The following RORA variants were observed in gnomAD, a reference collection of about 807,000 sequenced individuals.
RORA encodes nuclear receptor ROR-alpha.
A neutral mutation model predicts 69.5 loss-of-function variants in RORA; 7 were observed. The observed-to-expected ratio is 0.10, with a 90% CI of 0.06 to 0.19. The LOEUF is 0.19. Ranked by LOEUF, RORA falls within the 10% of genes least tolerant of loss-of-function variation. RORA has a pLI of 1.00. For synonymous variants in RORA, 261 were observed against 240.8 expected (o/e 1.08, Z -0.78); for missense variants, 457 against 663.0 (o/e 0.69, Z 3.41).
chr15:60,649,750 T>C (rs1436301249), intron 2 of RORA, among the ~76,000 whole-genome samples: 2 of 152,182 alleles, frequency 1.3e-5, no homozygotes, highest in Admixed American at 6.5e-5. Flanking sequence ...TGTGTAAACA[T>C]TGAGGTCCCA....
intron 1 of RORA, among the ~76,000 whole-genome samples, chr15:60,928,636 G>C (rs1410659645): frequency 6.6e-6 from 1 of 152,182 alleles, no homozygotes; most frequent in African/African-American, 2.4e-5. Flanking sequence ...CTCTGAGTTT[G>C]TCCAATTCGA....
chr15:60,638,814 A>AT (rs2069886715), intron 2 of RORA, among the ~76,000 whole-genome samples: 1 of 152,008 alleles, frequency 6.6e-6, no homozygotes, highest in South Asian at 2.1e-4. Flanking sequence ...AGTGGAAATA[A>AT]TTTTTTTTCC....
At chr15:60,516,047 T>A (rs1235411970) in intron 3 of RORA, among the ~76,000 whole-genome samples, 32 of 4,730 alleles carry the variant, frequency 6.8e-3, no homozygotes, top group East Asian at 0.059. Flanking sequence ...ATTTATATAT[T>A]TATATATATT....
chr15:60,764,248 TG>T (rs1843688037), intron 1 of RORA, among the ~76,000 whole-genome samples: 1 of 151,590 alleles, frequency 6.6e-6, no homozygotes, highest in South Asian at 2.1e-4. Flanking sequence ...AATGAGAGAC[TG>T]GCCAAGCAGA....
chr15:60,899,482 T>C (rs974936555), intron 1 of RORA, among the ~76,000 whole-genome samples: 3 of 152,164 alleles, frequency 2.0e-5, no homozygotes, highest in Admixed American at 2.0e-4. Context: ...AAGTTAGTAA[T>C]AAAAGGTAAG....
chr15:60,515,676 C>G (rs1406267157), intron 3 of RORA, among the ~76,000 whole-genome samples: 1 of 149,174 alleles, frequency 6.7e-6, no homozygotes, highest in East Asian at 2.0e-4. Flanking sequence ...TTCTAACTTT[C>G]AATAGATTTC....
intron 1 of RORA, among the ~76,000 whole-genome samples, chr15:61,053,248 G>T (rs554590999): frequency 6.6e-5 from 10 of 151,962 alleles, no homozygotes; most frequent in African/African-American, 1.9e-4. Flanking sequence ...GCATACAGCT[G>T]TCAGCTGCAA....
intron 1 of RORA, among the ~76,000 whole-genome samples, chr15:60,947,843 T>A (rs959406718): frequency 3.9e-5 from 6 of 152,104 alleles, no homozygotes; most frequent in Admixed American, 1.3e-4. Flanking sequence ...TGGGAAGAGT[T>A]GCAGCAGTAA....
intron 3 of RORA, among the ~76,000 whole-genome samples, chr15:60,527,533 C>T (rs1185935950): frequency 6.6e-6 from 1 of 152,186 alleles, no homozygotes; most frequent in Non-Finnish European, 1.5e-5. Flanking sequence ...TATGCCCCCT[C>T]ATCATGCTCA....
At chr15:60,823,550 A>G (rs1292967270) in intron 1 of RORA, among the ~76,000 whole-genome samples, 1 of 152,228 alleles carries the variant, frequency 6.6e-6, no homozygotes, top group Non-Finnish European at 1.5e-5. Flanking sequence ...AATACACATA[A>G]TCAACAAATG....
intron 1 of RORA, among the ~76,000 whole-genome samples, chr15:60,886,936 C>T (rs748094237): frequency 6.6e-6 from 1 of 152,310 alleles, no homozygotes; most frequent in African/African-American, 2.4e-5. Flanking sequence ...CTCACAGTTG[C>T]CACATTTAAA....
intron 1 of RORA, among the ~76,000 whole-genome samples, chr15:60,975,966 A>T (rs1893862343): frequency 6.6e-6 from 1 of 152,128 alleles, no homozygotes; most frequent in Non-Finnish European, 1.5e-5. Flanking sequence ...AGAGCCACAG[A>T]TCCCCCTACA....
At chr15:60,652,954 G>A (rs1160287832) in intron 2 of RORA, among the ~76,000 whole-genome samples, 1 of 152,178 alleles carries the variant, frequency 6.6e-6, no homozygotes. Context: ...CATGGCACCT[G>A]CCAATAAAAG....
rs138979864 is a variant in RORA at position 60,495,429 on chromosome 15, T to C, written c.*2026A>G. 1.1e-4 allele frequency: 16 copies of C among 152,368 alleles called. No homozygotes were observed. In the East Asian group the frequency reaches 3.1e-3, roughly 29 times the overall value. The allele number at this position is 152,368 out of a possible 1,614,324, so 9.4% of individuals were successfully genotyped here. On this transcript the variant is annotated 3_prime_UTR_variant, in exon 11 of 11. Transcript: ENST00000335670. ...TCTTACTATGTTTTTGGAAAAAAAG[T>C]TGGATGTTATTTAGGCTTCATACAC...
chr15:60,608,497 C>G (rs1317266967), intron 2 of RORA, among the ~76,000 whole-genome samples: 1 of 152,158 alleles, frequency 6.6e-6, no homozygotes, highest in Non-Finnish European at 1.5e-5. Context: ...GATGGTAGAG[C>G]TGGGACTTGA....
intron 1 of RORA, among the ~76,000 whole-genome samples, chr15:61,132,739 A>G (rs2079202219): frequency 6.6e-6 from 1 of 152,194 alleles, no homozygotes; most frequent in African/African-American, 2.4e-5. Context: ...ACAAACACCA[A>G]CTTTACCTAC....
At chr15:60,912,357 G>A (rs903182766) in intron 1 of RORA, among the ~76,000 whole-genome samples, 1 of 152,116 alleles carries the variant, frequency 6.6e-6, no homozygotes, top group African/African-American at 2.4e-5. Context: ...ACGAGTTCAA[G>A]GCTACAGTGA....
intron 1 of RORA, among the ~76,000 whole-genome samples, chr15:60,995,797 T>C (rs1894515096): frequency 6.6e-6 from 1 of 152,226 alleles, no homozygotes; most frequent in African/African-American, 2.4e-5. Flanking sequence ...GTCCTCATTG[T>C]TATGTCCACC....
At chr15:61,064,780 C>T (rs1296672072) in intron 1 of RORA, among the ~76,000 whole-genome samples, 1 of 152,176 alleles carries the variant, frequency 6.6e-6, no homozygotes, top group Non-Finnish European at 1.5e-5. Flanking sequence ...CCAATCCCCC[C>T]ATCCCCTTTC....
Sources: gnomAD v4.1 joint callset for allele counts (sites outside exome capture counted in the v4.1 genomes callset) on GRCh38, gnomAD v4.1.1 for gene constraint, MANE v1.5 for transcripts, NCBI Gene and HGNC (gene_info 2026-07-23, HGNC 2026-07-21) for gene names.